The following CDH20 variants were observed in gnomAD, a reference collection of about 807,000 sequenced individuals.
CDH20 encodes cadherin-20.
Under a neutral mutation model 74.2 loss-of-function variants are expected in CDH20, and 29 were observed. That is an observed-to-expected ratio of 0.39 (90% CI 0.29 to 0.53). CDH20 has a LOEUF of 0.53. Ranked by LOEUF, CDH20 falls within the 20% of genes least tolerant of loss-of-function variation. The pLI is 0.69. For missense variants in CDH20, 988 were observed against 1,048.3 expected (o/e 0.94, Z 0.79); for synonymous variants, 469 against 405.4 (o/e 1.16, Z -1.88).
chr18:61,435,672 A>G (rs575077886), intron 1 of CDH20, among the ~76,000 whole-genome samples: 45 of 151,126 alleles, frequency 3.0e-4, no homozygotes, highest in Non-Finnish European at 5.8e-4. Flanking sequence ...AAGTTTTTAA[A>G]AATATATATA....
intron 9 of CDH20, among the ~76,000 whole-genome samples, chr18:61,540,073 C>T (rs1191184743): frequency 6.6e-6 from 1 of 152,146 alleles, no homozygotes; most frequent in Non-Finnish European, 1.5e-5. Flanking sequence ...AGGCTGTTGC[C>T]TGCCCTATAA....
chr18:61,477,742 T>C (rs748354877), intron 1 of CDH20, among the ~76,000 whole-genome samples: 1 of 152,268 alleles, frequency 6.6e-6, no homozygotes, highest in Non-Finnish European at 1.5e-5. Flanking sequence ...TCATGCAAAA[T>C]TGTCTTCCAG....
At chr18:61,551,422 T>C (rs150236546) in intron 11 of CDH20, among the ~76,000 whole-genome samples, 10 of 152,328 alleles carry the variant, frequency 6.6e-5, no homozygotes, top group African/African-American at 2.2e-4. Flanking sequence ...TTCACCTCTA[T>C]ACCAAGAGAC....
chr18:61,386,390 G>A (rs1911601545), intron 1 of CDH20, among the ~76,000 whole-genome samples: 2 of 152,154 alleles, frequency 1.3e-5, no homozygotes, highest in African/African-American at 4.8e-5. Context: ...AGGTCTCATG[G>A]AGAAGGCACT....
At chr18:61,409,657 G>A (rs1912434087) in intron 1 of CDH20, among the ~76,000 whole-genome samples, 1 of 152,168 alleles carries the variant, frequency 6.6e-6, no homozygotes. Context: ...ATAAAGGTTG[G>A]CAACTGTTAA....
At chr18:61,452,331 T>C (rs1424821038) in intron 1 of CDH20, among the ~76,000 whole-genome samples, 2 of 152,222 alleles carry the variant, frequency 1.3e-5, no homozygotes, top group African/African-American at 4.8e-5. Context: ...CACAAAACTC[T>C]TGCACCAAAA....
At chr18:61,423,238 A>G (rs954243587) in intron 1 of CDH20, among the ~76,000 whole-genome samples, 19 of 152,166 alleles carry the variant, frequency 1.2e-4, no homozygotes, top group African/African-American at 4.6e-4. Flanking sequence ...GAGCACAGGG[A>G]TAAGGATTTG....
intron 1 of CDH20, among the ~76,000 whole-genome samples, chr18:61,367,059 G>A (rs1309349694): frequency 6.6e-6 from 1 of 152,140 alleles, no homozygotes; most frequent in Non-Finnish European, 1.5e-5. Context: ...AAGAAAATGA[G>A]TCTATTGTAT....
chr18:61,492,965 C>G (rs994784440), intron 2 of CDH20, among the ~76,000 whole-genome samples: 2 of 152,208 alleles, frequency 1.3e-5, no homozygotes, highest in Non-Finnish European at 2.9e-5. Flanking sequence ...ATGTAAAGCA[C>G]TTTGCACAGT....
At chr18:61,370,152 T>G (rs1432284793) in intron 1 of CDH20, among the ~76,000 whole-genome samples, 1 of 152,084 alleles carries the variant, frequency 6.6e-6, no homozygotes, top group Non-Finnish European at 1.5e-5. Context: ...ACGAAGAGAG[T>G]TAAAACTTCA....
At chr18:61,435,171 G>A (rs1245037799) in intron 1 of CDH20, among the ~76,000 whole-genome samples, 1 of 152,000 alleles carries the variant, frequency 6.6e-6, no homozygotes, top group Non-Finnish European at 1.5e-5. Flanking sequence ...GAGTTATTCA[G>A]GTCACCCATC....
At chr18:61,544,187 G>A (rs1261905044) in intron 9 of CDH20, among the ~76,000 whole-genome samples, 1 of 152,204 alleles carries the variant, frequency 6.6e-6, no homozygotes, top group East Asian at 1.9e-4. Context: ...ACAGGGGTGT[G>A]CCCTGCTGCT....
intron 6 of CDH20, among the ~76,000 whole-genome samples, chr18:61,523,543 A>C (rs539421152): frequency 6.6e-6 from 1 of 152,338 alleles, no homozygotes; most frequent in African/African-American, 2.4e-5. Context: ...CAGAAATACC[A>C]TATGACCCAG....
chr18:61,404,577 G>C (rs1391367713), intron 1 of CDH20, among the ~76,000 whole-genome samples: 4 of 152,046 alleles, frequency 2.6e-5, no homozygotes, highest in Non-Finnish European at 5.9e-5. Context: ...TGAAATCTTG[G>C]TTCTGTCGCC....
intron 1 of CDH20, among the ~76,000 whole-genome samples, chr18:61,451,961 T>C (rs141064994): frequency 2.6e-5 from 4 of 152,318 alleles, no homozygotes; most frequent in African/African-American, 9.6e-5. Flanking sequence ...TTCTGTTCCA[T>C]TGACCTTTCT....
intron 1 of CDH20, among the ~76,000 whole-genome samples, chr18:61,450,742 G>T (rs557527881): frequency 6.6e-6 from 1 of 151,936 alleles, no homozygotes; most frequent in East Asian, 1.9e-4. Context: ...TACTCTTAAA[G>T]CCTAATGGTT....
At chr18:61,406,029 T>C (rs1029632375) in intron 1 of CDH20, among the ~76,000 whole-genome samples, 8 of 152,184 alleles carry the variant, frequency 5.3e-5, no homozygotes, top group African/African-American at 1.7e-4. Flanking sequence ...TCAGGACTAA[T>C]TGATGTTCAC....
chr18:61,431,233 C>A (rs981321896), intron 1 of CDH20, among the ~76,000 whole-genome samples: 1 of 152,030 alleles, frequency 6.6e-6, no homozygotes, highest in Non-Finnish European at 1.5e-5. Context: ...ATCAGACAAA[C>A]CCAAATTGAA....
intron 1 of CDH20, among the ~76,000 whole-genome samples, chr18:61,470,319 G>A (rs955942480): frequency 1.3e-5 from 2 of 152,166 alleles, no homozygotes; most frequent in Non-Finnish European, 2.9e-5. Flanking sequence ...TTTCTACGCC[G>A]TATTGTTAAT....
Sources: gnomAD v4.1 joint callset for allele counts (sites outside exome capture counted in the v4.1 genomes callset) on GRCh38, gnomAD v4.1.1 for gene constraint, MANE v1.5 for transcripts, NCBI Gene and HGNC (gene_info 2026-07-23, HGNC 2026-07-21) for gene names.